MACROD2: variants seen among roughly 807,000 people sequenced by gnomAD.
MACROD2 encodes the protein mono-ADP ribosylhydrolase 2.
Under a neutral mutation model 70.4 loss-of-function variants are expected in MACROD2, and 36 were observed. The observed-to-expected ratio is 0.51, with a 90% CI of 0.39 to 0.68. The LOEUF is 0.68. MACROD2 is among the 30% of genes least tolerant of loss of function. MACROD2 has a pLI of 0.00. For synonymous variants in MACROD2, 172 were observed against 178.8 expected, an observed-to-expected ratio of 0.96 and a Z score of 0.30; for missense variants, 496 against 538.4, an observed-to-expected ratio of 0.92 and a Z score of 0.78.
intron 4 of MACROD2, among the ~76,000 whole-genome samples, chr20:14,594,817 G>A (rs1342465660): frequency 1.3e-5 from 2 of 152,146 alleles, no homozygotes; most frequent in Admixed American, 6.5e-5. Context: ...GCTTGAACCC[G>A]GGAAGCGGAG....
intron 5 of MACROD2, among the ~76,000 whole-genome samples, chr20:15,007,577 T>C (rs1211734750): frequency 6.6e-6 from 1 of 152,166 alleles, no homozygotes; most frequent in East Asian, 1.9e-4. Flanking sequence ...GAAACCACTT[T>C]AGGTATTTTA....
intron 5 of MACROD2, among the ~76,000 whole-genome samples, chr20:15,010,695 C>T (rs569675708): frequency 5.3e-5 from 8 of 152,116 alleles, no homozygotes; most frequent in African/African-American, 1.9e-4. Flanking sequence ...ATATTTGTAG[C>T]TCAGCAACAC....
At chr20:15,194,075 G>T (rs529502242) in intron 5 of MACROD2, among the ~76,000 whole-genome samples, 1 of 151,766 alleles carries the variant, frequency 6.6e-6, no homozygotes, top group Admixed American at 6.6e-5. Flanking sequence ...GTGAAACCCT[G>T]TCTCTACCAA....
intron 8 of MACROD2, among the ~76,000 whole-genome samples, chr20:15,519,928 G>T (rs572435127): frequency 4.6e-5 from 7 of 152,168 alleles, no homozygotes; most frequent in Non-Finnish European, 5.9e-5. Flanking sequence ...GTCAAGGGCC[G>T]ACCTGCAAAG....
At chr20:14,505,433 C>G (rs146192287) in intron 4 of MACROD2, among the ~76,000 whole-genome samples, 2,317 of 152,180 alleles carry the variant, frequency 0.015, 69 homozygotes, top group African/African-American at 0.053. Context: ...ATCTTTATAC[C>G]CAAACGCCAA....
intron 5 of MACROD2, among the ~76,000 whole-genome samples, chr20:14,861,975 A>AT (rs2073323438): frequency 2.2e-5 from 1 of 44,630 alleles, no homozygotes; most frequent in Admixed American, 3.7e-4. Flanking sequence ...TTTTATATAT[A>AT]AATATATATA....
In MACROD2 at chr20:14,175,615, C is replaced by T. The variant is rs1468579776; in HGVS notation, c.271+89887C>T. 2.0e-5 allele frequency among the ~76,000 whole-genome samples: 3 copies of T among 152,188 alleles called. No individual in the cohort carries two copies. In the East Asian group the frequency reaches 5.8e-4, roughly 29 times the overall value. On this transcript the variant is annotated intron_variant, in intron 3 of 17. Coordinates refer to ENST00000684519, the MANE Select transcript of MACROD2 (RefSeq NM_001351661.2). ...CATTCCTCTTCACCAGTGTCAAAGA[C>T]ACAGGGTGCTAGAGTTGGATATTTT...
chr20:14,760,522 C>T (rs940203242), intron 5 of MACROD2, among the ~76,000 whole-genome samples: 7 of 152,112 alleles, frequency 4.6e-5, no homozygotes, highest in African/African-American at 1.7e-4. Flanking sequence ...GAACACAGTC[C>T]TCTAAATCAT....
chr20:14,275,814 G>A (rs573742557), intron 3 of MACROD2, among the ~76,000 whole-genome samples: 1,646 of 151,868 alleles, frequency 0.011, 31 homozygotes, highest in African/African-American at 0.038. Flanking sequence ...ACAAGTGGGC[G>A]AAGGACATGA....
chr20:15,587,439 C>T (rs1371730011), intron 8 of MACROD2, among the ~76,000 whole-genome samples: 1 of 152,116 alleles, frequency 6.6e-6, no homozygotes, highest in Non-Finnish European at 1.5e-5. Context: ...CGTTTCAAAA[C>T]CAATCATGCC....
chr20:14,115,618 C>T (rs989830738), intron 3 of MACROD2, among the ~76,000 whole-genome samples: 4 of 152,080 alleles, frequency 2.6e-5, no homozygotes, highest in African/African-American at 9.7e-5. Flanking sequence ...ATTTTGGTTG[C>T]GGACAGAGGC....
At chr20:15,693,988 A>C (rs536660306) in intron 8 of MACROD2, among the ~76,000 whole-genome samples, 2 of 152,190 alleles carry the variant, frequency 1.3e-5, no homozygotes, top group East Asian at 3.9e-4. Flanking sequence ...TTGCTGAGTT[A>C]CTTCACTTAG....
At chr20:16,023,520 T>C (rs2147559841) in intron 15 of MACROD2, among the ~76,000 whole-genome samples, 1 of 144,942 alleles carries the variant, frequency 6.9e-6, no homozygotes. Context: ...TTTATGGCCC[T>C]CTAAAAGCAG....
chr20:14,516,090 TAAG>T (rs1478083153), intron 4 of MACROD2, among the ~76,000 whole-genome samples: 1 of 149,942 alleles, frequency 6.7e-6, no homozygotes. Context: ...AATAAATAAA[TAAG>T]AAAGAAATTT....
chr20:14,349,968 C>G (rs1326646126), intron 3 of MACROD2, among the ~76,000 whole-genome samples: 1 of 151,838 alleles, frequency 6.6e-6, no homozygotes, highest in Non-Finnish European at 1.5e-5. Context: ...AGGCTGGTCT[C>G]AAACTCCTGA....
At chr20:15,421,286 G>A (rs1416746773) in intron 6 of MACROD2, among the ~76,000 whole-genome samples, 1 of 152,060 alleles carries the variant, frequency 6.6e-6, no homozygotes, top group Non-Finnish European at 1.5e-5. Flanking sequence ...GCTGAGGTGA[G>A]AGGATCACCT....
chr20:14,192,435 A>G (rs2081396405), intron 3 of MACROD2, among the ~76,000 whole-genome samples: 2 of 152,190 alleles, frequency 1.3e-5, no homozygotes, highest in African/African-American at 2.4e-5. Context: ...ACACTTCAGG[A>G]GACACACGGG....
chr20:15,466,998 GA>G (rs1168685697), intron 7 of MACROD2, among the ~76,000 whole-genome samples: 1 of 152,188 alleles, frequency 6.6e-6, no homozygotes, highest in Non-Finnish European at 1.5e-5. Context: ...CATTGCAGCA[GA>G]TACTGTTGCT....
chr20:14,398,340 G>T (rs2083601933), intron 3 of MACROD2, among the ~76,000 whole-genome samples: 1 of 150,712 alleles, frequency 6.6e-6, no homozygotes, highest in Non-Finnish European at 1.5e-5. Context: ...TTTCTATAAT[G>T]GCCATACTAA....
Sources: gnomAD v4.1 joint callset for allele counts (sites outside exome capture counted in the v4.1 genomes callset) on GRCh38, gnomAD v4.1.1 for gene constraint, MANE v1.5 for transcripts, NCBI Gene and HGNC (gene_info 2026-07-23, HGNC 2026-07-21) for gene names.